ARIH1: variants seen among roughly 807,000 people sequenced by gnomAD.
ARIH1 encodes E3 ubiquitin-protein ligase ARIH1.
In ARIH1, 8 loss-of-function variants were observed where a neutral mutation model predicts 85.0. That is an observed-to-expected ratio of 0.09 (90% confidence interval 0.06 to 0.17). The LOEUF is 0.17. Ranked by LOEUF, ARIH1 falls within the 10% of genes least tolerant of loss-of-function variation. The pLI is 1.00. For missense variants in ARIH1, 311 were observed against 718.1 expected, an observed-to-expected ratio of 0.43 and a Z score of 6.48; for synonymous variants, 238 against 253.6, an observed-to-expected ratio of 0.94 and a Z score of 0.59.
rs1481233074 is a variant in ARIH1 at position 72,602,205 on chromosome 15, A to C, written c.*18913A>C. The C allele has an allele frequency of 6.6e-6, 1 of 152,262 alleles. No individual in the cohort carries two copies. Among genetic ancestry groups the C allele is most frequent in the Non-Finnish European group, 1.5e-5 (1 of 68,040 alleles). The allele number at this position is 152,262 out of a possible 1,614,324, so 9.4% of individuals were successfully genotyped here. ...TAAATTACTAGAATTGAAATAATTC[A>C]GTTAAAGATTATGTGCATTTTTAAT... On this transcript the variant is annotated 3_prime_UTR_variant, in exon 14 of 14. Transcript: ENST00000379887.
In ARIH1 at chr15:72,602,054, A is replaced by G. The variant is rs1371295207; in HGVS notation, c.*18762A>G. The G allele has an allele frequency of 2.0e-5, 3 of 152,168 alleles. No individual in the cohort carries two copies. The highest frequency in any genetic ancestry group is 7.2e-5 in the African/African-American group (3 of 41,444). The allele number at this position is 152,168 out of a possible 1,614,324, so 9.4% of individuals were successfully genotyped here. ...GTTGCCTCTTTCTTTTTCATGCGCCATATAATATGGACTTATAATTTATTT... is the reference window on the plus strand; with the variant it reads ...GTTGCCTCTTTCTTTTTCATGCGCCGTATAATATGGACTTATAATTTATTT... On this transcript the variant is annotated 3_prime_UTR_variant, in exon 14 of 14. Transcript: ENST00000379887.
intron 1 of ARIH1, among the ~76,000 whole-genome samples, chr15:72,479,749 G>A (rs2063807923): frequency 6.6e-6 from 1 of 151,872 alleles, no homozygotes; most frequent in Admixed American, 6.6e-5. Flanking sequence ...CCTTACTGAA[G>A]AAATTTTCTG....
At chr15:72,581,855 G>C in intron 12 of ARIH1, 1 of 381,266 alleles carries the variant, frequency 2.6e-6, no homozygotes, top group South Asian at 6.2e-5. Flanking sequence ...AAAAGTAATG[G>C]GTGAAATCTT....
At chr15:72,566,000 C>T (rs1177655997) in intron 7 of ARIH1, among the ~76,000 whole-genome samples, 2 of 152,070 alleles carry the variant, frequency 1.3e-5, no homozygotes, top group African/African-American at 4.8e-5. Flanking sequence ...ATGTCATGAA[C>T]TTAGAAAACA....
chr15:72,503,229 T>A (rs1289265702), intron 1 of ARIH1, among the ~76,000 whole-genome samples: 2 of 152,214 alleles, frequency 1.3e-5, no homozygotes, highest in East Asian at 3.8e-4. Context: ...GTGGTCTGGG[T>A]CATGAAGAAG....
chr15:72,542,036 C>T (rs2064109497), intron 2 of ARIH1, among the ~76,000 whole-genome samples: 1 of 152,042 alleles, frequency 6.6e-6, no homozygotes, highest in Admixed American at 6.6e-5. Flanking sequence ...AAAGTGTTTC[C>T]AATAGATGAA....
chr15:72,565,693 TA>T (rs1317567837), intron 7 of ARIH1, among the ~76,000 whole-genome samples: 2 of 152,224 alleles, frequency 1.3e-5, no homozygotes, highest in Non-Finnish European at 2.9e-5. Context: ...AGTGAATACC[TA>T]TATAGCTACA....
chr15:72,546,384 G>A (rs1228364925), intron 3 of ARIH1, among the ~76,000 whole-genome samples: 2 of 152,198 alleles, frequency 1.3e-5, no homozygotes, highest in African/African-American at 2.4e-5. Flanking sequence ...TATTTAGTAG[G>A]TAAAGTGGTG....
At chr15:72,567,404 A>C (rs1486008665) in intron 9 of ARIH1, among the ~76,000 whole-genome samples, 1 of 150,630 alleles carries the variant, frequency 6.6e-6, no homozygotes, top group Non-Finnish European at 1.5e-5. Flanking sequence ...TCTCTGCCTT[A>C]GGTTTCTTCT....
At chr15:72,491,881 T>G (rs1235806738) in intron 1 of ARIH1, among the ~76,000 whole-genome samples, 1 of 152,222 alleles carries the variant, frequency 6.6e-6, no homozygotes, top group African/African-American at 2.4e-5. Context: ...GTGTGAATGT[T>G]ATTGTTGTGT....
At chr15:72,570,057 G>A in intron 9 of ARIH1, 120 bp from the exon 10 acceptor site, 1 of 1,125,100 alleles carries the variant, frequency 8.9e-7, no homozygotes, top group Non-Finnish European at 1.3e-6. Flanking sequence ...TGCTTTATAT[G>A]TATTAACCAC....
chr15:72,528,922 TGGGTGTGGTGGC>T (rs1464423648), intron 2 of ARIH1, among the ~76,000 whole-genome samples: 2 of 152,040 alleles, frequency 1.3e-5, no homozygotes, highest in African/African-American at 4.8e-5. Context: ...AATGTACGGC[TGGGTGTGGTGGC>T]TCATGCCTGT....
intron 2 of ARIH1, among the ~76,000 whole-genome samples, chr15:72,523,037 G>T (rs1344588997): frequency 6.6e-6 from 1 of 152,280 alleles, no homozygotes; most frequent in East Asian, 1.9e-4. Flanking sequence ...ATCATTTCTC[G>T]TGGGAACGCA....
intron 1 of ARIH1, among the ~76,000 whole-genome samples, chr15:72,506,367 A>AAAAAAAAAAAAAAAAAAAAAAG (rs1555485516): frequency 3.6e-5 from 5 of 140,752 alleles, no homozygotes; most frequent in Non-Finnish European, 6.2e-5. Context: ...AAAAAAAAAG[A>AAAAAAAAAAAAAAAAAAAAAAG]AAAAAAAAAA....
rs1169112499 is a variant in ARIH1, at chr15:72,520,966, C to A, written c.443+2832C>A. Among the ~76,000 whole-genome samples the A allele has an allele frequency of 2.0e-5, 3 of 152,114 alleles. No individual in the cohort carries two copies. In the East Asian group the frequency reaches 5.8e-4, roughly 29 times the overall value. ...TCAAGCAATCCTTCCATTTCAGCAC[C>A]CCCAGTAGCTGGGACCACAGGCACG... On this transcript the variant is annotated intron_variant, in intron 2 of 13. Coordinates refer to ENST00000379887, the MANE Select transcript of ARIH1 (RefSeq NM_005744.5).
At chr15:72,572,276 C>A (rs750888226) in intron 11 of ARIH1, 111 bp downstream of exon 11, 2 of 750,030 alleles carry the variant, frequency 2.7e-6, no homozygotes, top group South Asian at 3.7e-5. Flanking sequence ...CTCGCTTTGT[C>A]GCCCAGGCTG....
At chr15:72,529,263 C>A (rs2064044770) in intron 2 of ARIH1, among the ~76,000 whole-genome samples, 1 of 152,164 alleles carries the variant, frequency 6.6e-6, no homozygotes, top group Non-Finnish European at 1.5e-5. Context: ...AATTCTTGCT[C>A]CCCCTATCTC....
intron 1 of ARIH1, 154 bp downstream of exon 1, chr15:72,475,168 GGGT>G: frequency 7.3e-7 from 1 of 1,372,480 alleles, no homozygotes; most frequent in Non-Finnish European, 9.5e-7. Context: ...TGGGGATAGA[GGGT>G]GTCGAAAGCA....
At chr15:72,537,125 T>C (rs556106392) in intron 2 of ARIH1, among the ~76,000 whole-genome samples, 2 of 152,192 alleles carry the variant, frequency 1.3e-5, no homozygotes, top group East Asian at 1.9e-4. Flanking sequence ...TTGTTGTTTG[T>C]AACATGAGGG....
Sources: allele counts gnomAD v4.1 joint callset (sites outside exome capture counted in the v4.1 genomes callset), GRCh38; gene constraint gnomAD v4.1.1; transcripts MANE v1.5; gene names NCBI Gene and HGNC (gene_info 2026-07-23, HGNC 2026-07-21).